Variants in ZNF469 observed in about 807,000 individuals in gnomAD.
The protein encoded by ZNF469 is zinc finger protein 469.
ZNF469 carries 1 observed loss-of-function variant against 1.0 expected under a neutral mutation model. The ratio of observed to expected loss-of-function variants is 1.00; its 90% CI spans 0.35 to 4.73. The LOEUF (loss-of-function observed/expected upper bound fraction) is 4.73. Among genes scored for constraint, ZNF469 ranks in the 30% most tolerant of loss-of-function variants. The probability of loss-of-function intolerance (pLI) is 0.16; values close to 1 mark genes in which losing one functional copy is unlikely to be tolerated. For missense variants in ZNF469, 6,100 were observed against 5,356.3 expected, an observed-to-expected ratio of 1.14 and a Z score of -4.33; for synonymous variants, 2,703 against 2,363.4, an observed-to-expected ratio of 1.14 and a Z score of -4.17.
the ZNF469 span, among the ~76,000 whole-genome samples, chr16:88,200,430 A>T: frequency 1.3e-5 from 2 of 152,176 alleles, no homozygotes; most frequent in South Asian, 4.1e-4. Flanking sequence ...CGCAGAAGGG[A>T]CCGCACCTGC....
the ZNF469 span, among the ~76,000 whole-genome samples, chr16:88,210,186 C>T: frequency 2.0e-5 from 3 of 152,188 alleles, no homozygotes; most frequent in African/African-American, 4.8e-5. Context: ...CATTTATAAA[C>T]ATTTTTGGTA....
At chr16:88,368,305 G>A in the ZNF469 span, among the ~76,000 whole-genome samples, 1 of 152,348 alleles carries the variant, frequency 6.6e-6, no homozygotes, top group Non-Finnish European at 1.5e-5. Context: ...GTGGGACAGG[G>A]TACAGGTGAC....
the ZNF469 span, among the ~76,000 whole-genome samples, chr16:88,284,787 T>C: frequency 6.6e-6 from 1 of 152,148 alleles, no homozygotes; most frequent in Non-Finnish European, 1.5e-5. Context: ...AGGAGGGCGA[T>C]GGGGCCTTGG....
chr16:88,300,439 G>A, the ZNF469 span, among the ~76,000 whole-genome samples: 2 of 152,040 alleles, frequency 1.3e-5, no homozygotes, highest in Non-Finnish European at 2.9e-5. Context: ...GAAAACCTGC[G>A]TGTGACGGGT....
the ZNF469 span, among the ~76,000 whole-genome samples, chr16:88,131,284 G>T: frequency 3.4e-5 from 5 of 145,886 alleles, 1 homozygote; most frequent in South Asian, 4.2e-4. Context: ...AATGAAAAAC[G>T]AAACAAAAGA....
rs920320871 is a variant in ZNF469 at position 88,389,396 on chromosome 16, C to T, written c.-192+6142C>T. ...CCGTGGACGGAGCACATTTTGTGCACGCACCCCTCCTCCGTTGGACGCCTG... is the reference window on the plus strand; with the variant it reads ...CCGTGGACGGAGCACATTTTGTGCATGCACCCCTCCTCCGTTGGACGCCTG... On this transcript the variant is annotated intron_variant, in intron 1 of 2. Coordinates refer to ENST00000565624, the MANE Select transcript of ZNF469 (RefSeq NM_001367624.2). Among the ~76,000 whole-genome samples the T allele has an allele frequency of 7.2e-5, 11 of 152,252 alleles. 1 individual carries two copies. The highest frequency in any genetic ancestry group is 6.5e-4 in the Admixed American group (10 of 15,292).
the ZNF469 span, among the ~76,000 whole-genome samples, chr16:88,236,639 G>A: frequency 6.6e-6 from 1 of 152,220 alleles, no homozygotes; most frequent in African/African-American, 2.4e-5. Flanking sequence ...GGCCGAGGCA[G>A]GTGGATCACC....
chr16:88,333,553 G>C, the ZNF469 span, among the ~76,000 whole-genome samples: 1 of 151,904 alleles, frequency 6.6e-6, no homozygotes, highest in Admixed American at 6.6e-5. Context: ...GCTCGGACTT[G>C]CTGAGTCATG....
the ZNF469 span, among the ~76,000 whole-genome samples, chr16:88,265,478 C>T: frequency 3.3e-5 from 5 of 152,310 alleles, no homozygotes; most frequent in African/African-American, 9.6e-5. Context: ...AGGGGGACAT[C>T]CAGGAGGGCT....
the ZNF469 span, among the ~76,000 whole-genome samples, chr16:88,144,664 G>A: frequency 2.0e-5 from 3 of 152,178 alleles, no homozygotes; most frequent in South Asian, 2.1e-4. Flanking sequence ...CATCACCCGT[G>A]TGGCCCAGCG....
intron 1 of ZNF469, among the ~76,000 whole-genome samples, chr16:88,383,625 G>C (rs887357624): frequency 1.3e-5 from 2 of 150,582 alleles, no homozygotes; most frequent in East Asian, 3.9e-4. Context: ...ACCTCCGGGC[G>C]GGGCTGCGGG....
the ZNF469 span, among the ~76,000 whole-genome samples, chr16:88,263,433 C>T: frequency 6.6e-6 from 1 of 152,188 alleles, no homozygotes. Flanking sequence ...TGTCCTGGGC[C>T]GCTCGCGGGA....
chr16:88,409,488 C>T (rs1372885627), intron 1 of ZNF469, among the ~76,000 whole-genome samples: 3 of 151,996 alleles, frequency 2.0e-5, no homozygotes, highest in Non-Finnish European at 4.4e-5. Context: ...AGGACACAGG[C>T]GGGTCACCCA....
the ZNF469 span, among the ~76,000 whole-genome samples, chr16:88,189,432 G>T: frequency 6.6e-6 from 1 of 152,192 alleles, no homozygotes; most frequent in Admixed American, 6.5e-5. The surrounding 1 kb of genome is among the most constrained non-coding windows in gnomAD (Gnocchi z 4.3). Context: ...TGGAGTTGGG[G>T]AAGGATATTT....
chr16:88,369,179 C>T, the ZNF469 span, among the ~76,000 whole-genome samples: 3 of 152,154 alleles, frequency 2.0e-5, no homozygotes, highest in Non-Finnish European at 2.9e-5. Context: ...GCCCTGCAGG[C>T]TTTCCAGAAA....
the ZNF469 span, among the ~76,000 whole-genome samples, chr16:88,323,796 G>A: frequency 1.1e-4 from 17 of 152,286 alleles, no homozygotes; most frequent in Non-Finnish European, 1.8e-4. Flanking sequence ...ATGCCAGACC[G>A]CAGCTGTGCA....
At chr16:88,242,090 G>A in the ZNF469 span, among the ~76,000 whole-genome samples, 11 of 152,308 alleles carry the variant, frequency 7.2e-5, no homozygotes, top group East Asian at 9.7e-4. Context: ...AACCCTGGAC[G>A]TCGCAGACAG....
At chr16:88,280,152 A>G in the ZNF469 span, among the ~76,000 whole-genome samples, 208 of 149,926 alleles carry the variant, frequency 1.4e-3, 10 homozygotes, top group African/African-American at 5.0e-3. Context: ...CTGTGTAGAT[A>G]TCAGTGCACG....
the ZNF469 span, among the ~76,000 whole-genome samples, chr16:88,289,787 A>G: frequency 6.6e-6 from 1 of 152,204 alleles, no homozygotes; most frequent in African/African-American, 2.4e-5. Flanking sequence ...AGAAACTGGC[A>G]GATGCGCATG....
Sources: gnomAD v4.1 joint callset for allele counts (sites outside exome capture counted in the v4.1 genomes callset) on GRCh38, gnomAD v4.1.1 for gene constraint, Gnocchi (gnomAD v3.1) non-coding constraint, MANE v1.5 for transcripts, NCBI Gene and HGNC (gene_info 2026-07-23, HGNC 2026-07-21) for gene names.